MED19: variants seen among roughly 807,000 people sequenced by gnomAD.
The protein encoded by MED19 is mediator complex subunit 19, also known as mediator of RNA polymerase II transcription subunit 19.
In MED19, 4 loss-of-function variants were observed where a neutral mutation model predicts 19.9. The ratio of observed to expected loss-of-function variants is 0.20; its 90% CI spans 0.10 to 0.46. The LOEUF is 0.46. Among genes scored for constraint, MED19 ranks in the 20% least tolerant of loss-of-function variants. MED19 has a pLI of 0.99. For synonymous variants in MED19, 139 were observed against 119.6 expected (o/e 1.16, Z -1.06); for missense variants, 303 against 318.7 (o/e 0.95, Z 0.38).
Position 57,707,979 on chromosome 11 carries a change from T to C in MED19, c.218-2750A>G, listed in dbSNP as rs2135417279. On this transcript the variant is annotated intron_variant, in intron 1 of 4. Coordinates refer to ENST00000431606, the Ensembl canonical transcript of MED19. Reference sequence around the variant, plus strand: ...TCCCAGGTAGCTGGGACTACATGCATACACTGCCATGCTAGGCTAATTTTT... The same window carrying C: ...TCCCAGGTAGCTGGGACTACATGCACACACTGCCATGCTAGGCTAATTTTT... 1.3e-5 allele frequency among the ~76,000 whole-genome samples: 2 copies of C among 152,152 alleles called. 1 individual carries two copies. Among genetic ancestry groups the C allele is most frequent in the South Asian group, 4.1e-4 (2 of 4,824 alleles).
chr11:57,708,141 A>T (rs1481385569), intron 1 of MED19, among the ~76,000 whole-genome samples: 1 of 152,050 alleles, frequency 6.6e-6, no homozygotes, highest in Non-Finnish European at 1.5e-5. Context: ...ACAAGATAAA[A>T]AAAAAAAAAA....
chr11:57,705,213 T>G, exon 2 of MED19: 1 of 1,614,172 alleles, frequency 6.2e-7, no homozygotes, highest in Non-Finnish European at 8.5e-7. Flanking sequence ...TCGTGCTGCC[T>G]GTCAGCTCTG....
At chr11:57,712,206 C>T (rs530963350) in exon 1 of MED19, 4 of 1,488,354 alleles carry the variant, frequency 2.7e-6, no homozygotes, top group Non-Finnish European at 8.9e-7. Flanking sequence ...GCGCTGTCTC[C>T]GTGTCTGCCG....
At chr11:57,706,565 G>T (rs1033784168) in intron 1 of MED19, among the ~76,000 whole-genome samples, 12 of 152,064 alleles carry the variant, frequency 7.9e-5, no homozygotes, top group African/African-American at 2.9e-4. Context: ...GAGGTCAGGA[G>T]TTCAAGACCA....
intron 1 of MED19, among the ~76,000 whole-genome samples, chr11:57,707,954 T>A (rs1420708341): frequency 6.6e-6 from 1 of 152,154 alleles, no homozygotes; most frequent in Non-Finnish European, 1.5e-5. Context: ...TGCCTCAGCC[T>A]CCCAGGTAGC....
At chr11:57,711,209 T>C (rs779847173) in intron 1 of MED19, among the ~76,000 whole-genome samples, 14 of 152,196 alleles carry the variant, frequency 9.2e-5, no homozygotes, top group Non-Finnish European at 1.9e-4. Context: ...TCTTATCCCT[T>C]TTTTGATCAG....
intron 3 of MED19, 103 bp downstream of exon 3, chr11:57,704,616 C>T (rs374282109): frequency 1.6e-5 from 25 of 1,604,046 alleles, no homozygotes; most frequent in Middle Eastern, 2.2e-4. Flanking sequence ...GAGCTCCATA[C>T]GGAACTTAAC....
chr11:57,710,491 C>T (rs1946554321), intron 1 of MED19, among the ~76,000 whole-genome samples: 1 of 152,232 alleles, frequency 6.6e-6, no homozygotes, highest in South Asian at 2.1e-4. Context: ...TTGTTCACTT[C>T]ACTGGAGTCC....
At chr11:57,704,562 A>C in intron 3 of MED19, 157 bp downstream of exon 3, 1 of 1,593,578 alleles carries the variant, frequency 6.3e-7, no homozygotes, top group Non-Finnish European at 8.5e-7. Context: ...GTCCCAAGAG[A>C]CCACAGTACA....
chr11:57,711,225 G>C (rs1946587607), intron 1 of MED19, among the ~76,000 whole-genome samples: 1 of 152,174 alleles, frequency 6.6e-6, no homozygotes, highest in Non-Finnish European at 1.5e-5. Context: ...ATCAGACCAG[G>C]AAATGCCGGA....
chr11:57,710,656 G>A, intron 1 of MED19, among the ~76,000 whole-genome samples: 1 of 151,570 alleles, frequency 6.6e-6, no homozygotes, highest in East Asian at 1.9e-4. Context: ...GCTATGTGAA[G>A]AGAGCATCTC....
chr11:57,704,999 C>T, exon 2 of MED19: 2 of 1,613,814 alleles, frequency 1.2e-6, no homozygotes, highest in Non-Finnish European at 1.7e-6. Context: ...CGGAAGCCGG[C>T]CAGCATGGTC....
At chr11:57,712,033 G>A in exon 1 of MED19, 1 of 1,536,268 alleles carries the variant, frequency 6.5e-7, no homozygotes, top group Non-Finnish European at 8.8e-7. Context: ...GAGGAGCCGT[G>A]GCCGCGGTGG....
intron 1 of MED19, among the ~76,000 whole-genome samples, chr11:57,705,948 C>A (rs1946503379): frequency 6.6e-6 from 1 of 151,678 alleles, no homozygotes; most frequent in Admixed American, 6.6e-5. Flanking sequence ...TACAACCATG[C>A]TCAGGGGGCC....
exon 3 of MED19, chr11:57,704,757 T>G: frequency 6.2e-7 from 1 of 1,610,268 alleles, no homozygotes; most frequent in Non-Finnish European, 8.5e-7. Flanking sequence ...CTGTTTGTGC[T>G]TGTGCTTATT....
intron 1 of MED19, among the ~76,000 whole-genome samples, chr11:57,705,506 T>C (rs954428909): frequency 3.3e-5 from 5 of 151,796 alleles, no homozygotes; most frequent in African/African-American, 1.2e-4. Flanking sequence ...TACAAAAAAT[T>C]AGCCAGGCGT....
At chr11:57,704,439 T>C (rs754932817) in intron 3 of MED19, 43 bp from the exon 4 acceptor site, 15 of 1,518,854 alleles carry the variant, frequency 9.9e-6, no homozygotes, top group Non-Finnish European at 1.2e-5. Flanking sequence ...AAGCTCAAAA[T>C]CCTCTACTGT....
At chr11:57,705,502 A>C (rs1159536778) in intron 1 of MED19, among the ~76,000 whole-genome samples, 1 of 152,036 alleles carries the variant, frequency 6.6e-6, no homozygotes, top group Non-Finnish European at 1.5e-5. Flanking sequence ...AAAATACAAA[A>C]AATTAGCCAG....
At chr11:57,709,104 G>A (rs1200519730) in intron 1 of MED19, among the ~76,000 whole-genome samples, 2 of 152,198 alleles carry the variant, frequency 1.3e-5, no homozygotes, top group Admixed American at 6.5e-5. Context: ...CTGGGAGGCT[G>A]GGCGCAGTGG....
Sources: allele counts gnomAD v4.1 joint callset (sites outside exome capture counted in the v4.1 genomes callset), GRCh38; gene constraint gnomAD v4.1.1; transcripts MANE v1.5; gene names NCBI Gene and HGNC (gene_info 2026-07-23, HGNC 2026-07-21).